SLC9A9: variants seen among roughly 807,000 people sequenced by gnomAD.
SLC9A9 encodes the protein sodium/hydrogen exchanger 9.
In SLC9A9, 62 loss-of-function variants were observed where a neutral mutation model predicts 77.8. The ratio of observed to expected loss-of-function variants is 0.80; its 90% CI spans 0.65 to 0.98. SLC9A9 has a LOEUF of 0.98. SLC9A9 is among the 50% of genes least tolerant of loss of function. SLC9A9 has a pLI of 0.00. For missense variants in SLC9A9, 775 were observed against 774.9 expected (o/e 1.00, Z 0.00); for synonymous variants, 320 against 283.5 (o/e 1.13, Z -1.29).
At chr3:143,524,911 G>A (rs1052877865) in intron 9 of SLC9A9, among the ~76,000 whole-genome samples, 2 of 152,126 alleles carry the variant, frequency 1.3e-5, no homozygotes, top group Non-Finnish European at 2.9e-5. Flanking sequence ...GCCATGTTAC[G>A]ATGCCATAGC....
chr3:143,364,225 G>GA (rs397967506), intron 13 of SLC9A9, among the ~76,000 whole-genome samples: 3,736 of 141,284 alleles, frequency 0.026, 148 homozygotes, highest in African/African-American at 0.083. Context: ...GATGAAATGT[G>GA]AAAAAAAAAA....
intron 12 of SLC9A9, among the ~76,000 whole-genome samples, chr3:143,411,412 C>T (rs908405617): frequency 2.0e-5 from 3 of 152,086 alleles, no homozygotes; most frequent in African/African-American, 7.2e-5. Flanking sequence ...TTCTGCATTC[C>T]CATGGTTAAT....
At chr3:143,710,527 CTGT>C (rs150172782) in intron 4 of SLC9A9, among the ~76,000 whole-genome samples, 4,162 of 152,266 alleles carry the variant, frequency 0.027, 215 homozygotes, top group African/African-American at 0.096. Flanking sequence ...TGTTTGGAAT[CTGT>C]TGTTTAGGTT....
At position 143,543,390 on chromosome 3, in the gene SLC9A9, T is replaced by C. The variant is rs2036721032; in HGVS notation, c.1089+8972A>G. Among the ~76,000 whole-genome samples the C allele has an allele frequency of 5.3e-5, 8 of 152,110 alleles. No homozygotes were observed. The South Asian group carries it at 1.5e-3, about 28-fold the overall frequency. ...TGGGACTTGTCAAGCTTTTTTTTTT[T>C]TTCTTCTATTTTTATTTTAGATTGA... On this transcript the variant is annotated intron_variant, in intron 9 of 15. Coordinates refer to ENST00000316549, the MANE Select transcript of SLC9A9 (RefSeq NM_173653.4).
At chr3:143,739,863 G>T (rs556342788) in intron 4 of SLC9A9, among the ~76,000 whole-genome samples, 23 of 152,164 alleles carry the variant, frequency 1.5e-4, no homozygotes, top group South Asian at 6.2e-4. Context: ...TGAATTTGAA[G>T]TTACTTACTG....
intron 5 of SLC9A9, among the ~76,000 whole-genome samples, chr3:143,664,932 A>G (rs964112525): frequency 6.6e-6 from 1 of 152,246 alleles, no homozygotes; most frequent in Non-Finnish European, 1.5e-5. Flanking sequence ...TGAACAAGAC[A>G]GAAAGTTAAC....
At chr3:143,562,953 G>C (rs1386416344) in intron 8 of SLC9A9, among the ~76,000 whole-genome samples, 1 of 151,996 alleles carries the variant, frequency 6.6e-6, no homozygotes, top group East Asian at 1.9e-4. Flanking sequence ...ATAATGATAA[G>C]AGCATCTGAC....
chr3:143,675,343 C>A (rs547193268), intron 5 of SLC9A9, among the ~76,000 whole-genome samples: 117 of 152,328 alleles, frequency 7.7e-4, no homozygotes, highest in African/African-American at 2.7e-3. Flanking sequence ...ATTAGCTAAA[C>A]AGAGACTTTG....
chr3:143,741,506 A>G (rs1336816197), intron 4 of SLC9A9, among the ~76,000 whole-genome samples: 1 of 152,214 alleles, frequency 6.6e-6, no homozygotes, highest in Non-Finnish European at 1.5e-5. Flanking sequence ...GATGTTTCTT[A>G]AATGCAGATA....
chr3:143,413,942 T>G (rs1365594086), intron 12 of SLC9A9, among the ~76,000 whole-genome samples: 1 of 152,226 alleles, frequency 6.6e-6, no homozygotes, highest in African/African-American at 2.4e-5. Flanking sequence ...AAAATCCCAT[T>G]AAACACACTG....
intron 4 of SLC9A9, among the ~76,000 whole-genome samples, chr3:143,781,514 C>T (rs1031780379): frequency 4.6e-5 from 7 of 152,052 alleles, no homozygotes; most frequent in Non-Finnish European, 8.8e-5. Context: ...TAATATAATA[C>T]CCATGACAAG....
At chr3:143,784,404 G>A (rs1221658159) in intron 4 of SLC9A9, among the ~76,000 whole-genome samples, 1 of 152,186 alleles carries the variant, frequency 6.6e-6, no homozygotes, top group Non-Finnish European at 1.5e-5. Flanking sequence ...TCTAATGGAA[G>A]AGGCCAGTGA....
In SLC9A9 at chr3:143,266,727, G is replaced by A. The variant is rs751305000; in HGVS notation, c.1913C>T (p.Thr638Ile). Residue 638 changes from threonine (T) to isoleucine (I), a missense_variant, in exon 16 of 16, where the codon ACT becomes ATT. Physicochemically the swap from Thr to Ile is moderately conservative, Grantham distance 89 (BLOSUM62 -1). Coordinates refer to ENST00000316549, the MANE Select transcript of SLC9A9 (RefSeq NM_173653.4). ...LGGYELKLEQ[T>I]LGQSQLN ...TTAATTCAACTGGGATTGACCCAAAGTTTGCTCAAGCTTGAGTTCATAGCC... is the reference window on the plus strand; with the variant it reads ...TTAATTCAACTGGGATTGACCCAAAATTTGCTCAAGCTTGAGTTCATAGCC... 1 of 1,614,046 alleles carries A rather than the reference G, an allele frequency of 6.2e-7. No individual in the cohort carries two copies. The highest frequency in any genetic ancestry group is 8.5e-7 in the Non-Finnish European group (1 of 1,180,040).
At chr3:143,434,218 T>C (rs1208622411) in intron 12 of SLC9A9, among the ~76,000 whole-genome samples, 1 of 152,224 alleles carries the variant, frequency 6.6e-6, no homozygotes, top group African/African-American at 2.4e-5. Context: ...GACATGTGAA[T>C]ACAGTTCTGT....
chr3:143,686,651 C>T (rs1276636503), intron 5 of SLC9A9, among the ~76,000 whole-genome samples: 1 of 152,086 alleles, frequency 6.6e-6, no homozygotes, highest in South Asian at 2.1e-4. Context: ...CTTTATCCAC[C>T]TACCCGATAT....
intron 2 of SLC9A9, among the ~76,000 whole-genome samples, chr3:143,812,152 C>G (rs909135014): frequency 6.6e-6 from 1 of 152,152 alleles, no homozygotes; most frequent in South Asian, 2.1e-4. Context: ...AAAATGGCTA[C>G]TGGAAATATA....
At chr3:143,770,421 T>C (rs1190184843) in intron 4 of SLC9A9, among the ~76,000 whole-genome samples, 1 of 152,156 alleles carries the variant, frequency 6.6e-6, no homozygotes, top group Non-Finnish European at 1.5e-5. Flanking sequence ...ACAGCAGAGA[T>C]GGTATTTCAA....
intron 6 of SLC9A9, among the ~76,000 whole-genome samples, chr3:143,592,634 G>A (rs148790044): frequency 4.6e-4 from 70 of 152,334 alleles, no homozygotes; most frequent in Middle Eastern, 3.4e-3. Flanking sequence ...GACTGACAGA[G>A]TTGGGAAGTG....
intron 4 of SLC9A9, among the ~76,000 whole-genome samples, chr3:143,741,063 T>G (rs1242046658): frequency 6.6e-6 from 1 of 152,182 alleles, no homozygotes; most frequent in Non-Finnish European, 1.5e-5. Flanking sequence ...TATGTATATA[T>G]ATGCACATTA....
Sources: gnomAD v4.1 joint callset for allele counts (sites outside exome capture counted in the v4.1 genomes callset) on GRCh38, gnomAD v4.1.1 for gene constraint, MANE v1.5 for transcripts, NCBI Gene and HGNC (gene_info 2026-07-23, HGNC 2026-07-21) for gene names.